NRP1: variants seen among roughly 807,000 people sequenced by gnomAD.
NRP1 encodes neuropilin-1.
Under a neutral mutation model 106.7 loss-of-function variants are expected in NRP1, and 35 were observed. That is an observed-to-expected ratio of 0.33 (90% confidence interval 0.25 to 0.43). NRP1 has a LOEUF of 0.43. NRP1 is among the 20% of genes least tolerant of loss of function. The pLI is 1.00. For missense variants in NRP1, 1,024 were observed against 1,170.4 expected, an observed-to-expected ratio of 0.87 and a Z score of 1.83; for synonymous variants, 437 against 417.9, an observed-to-expected ratio of 1.05 and a Z score of -0.56.
At chr10:33,294,253 T>C (rs1334618639) in intron 2 of NRP1, among the ~76,000 whole-genome samples, 1 of 152,194 alleles carries the variant, frequency 6.6e-6, no homozygotes, top group African/African-American at 2.4e-5. Flanking sequence ...TGACCTGGCA[T>C]TTAGCTTCCT....
intron 6 of NRP1, among the ~76,000 whole-genome samples, chr10:33,246,636 A>C (rs1328754512): frequency 6.6e-6 from 1 of 152,006 alleles, no homozygotes; most frequent in Non-Finnish European, 1.5e-5. Flanking sequence ...ATCCACATCC[A>C]TTTGAACAGC....
chr10:33,295,230 A>G (rs1845303234), intron 2 of NRP1, among the ~76,000 whole-genome samples: 1 of 152,200 alleles, frequency 6.6e-6, no homozygotes, highest in African/African-American at 2.4e-5. Context: ...TTGTTCAAAA[A>G]TAAAACAGTG....
At chr10:33,211,188 G>C (rs533981782) in intron 9 of NRP1, 1 of 152,186 alleles carries the variant, frequency 6.6e-6, no homozygotes. Flanking sequence ...GGTTGCAGAC[G>C]CATGAATTAT....
chr10:33,312,365 A>G (rs756625221), intron 2 of NRP1, among the ~76,000 whole-genome samples: 2 of 152,198 alleles, frequency 1.3e-5, no homozygotes, highest in Admixed American at 6.5e-5. Context: ...ATCATTATAC[A>G]TTTTGGGCAT....
intron 13 of NRP1, among the ~76,000 whole-genome samples, chr10:33,189,031 G>T (rs939075528): frequency 6.6e-6 from 1 of 150,918 alleles, no homozygotes; most frequent in African/African-American, 2.4e-5. Context: ...AAGAGGGAGC[G>T]CTGGCAGCCC....
chr10:33,220,817 C>T (rs1257119822), intron 8 of NRP1, among the ~76,000 whole-genome samples: 1 of 143,842 alleles, frequency 7.0e-6, no homozygotes, highest in Non-Finnish European at 1.5e-5. Flanking sequence ...AGGAGAATCG[C>T]TGGAACCTGG....
At chr10:33,309,199 C>A (rs1418496159) in intron 2 of NRP1, among the ~76,000 whole-genome samples, 1 of 152,208 alleles carries the variant, frequency 6.6e-6, no homozygotes, top group African/African-American at 2.4e-5. Context: ...TAAGCCATTT[C>A]TTTCTAAGAA....
At chr10:33,317,304 G>A (rs904290646) in intron 2 of NRP1, among the ~76,000 whole-genome samples, 3 of 152,202 alleles carry the variant, frequency 2.0e-5, no homozygotes, top group Non-Finnish European at 2.9e-5. Context: ...GCTCTTTCCT[G>A]CAAACATGCT....
At chr10:33,300,067 C>CTAGCATCT (rs1293221758) in intron 2 of NRP1, among the ~76,000 whole-genome samples, 1 of 152,198 alleles carries the variant, frequency 6.6e-6, no homozygotes, top group East Asian at 1.9e-4. Flanking sequence ...TTCACAATGT[C>CTAGCATCT]TAGCATCTTC....
chr10:33,248,775 T>C (rs956399490), intron 6 of NRP1, among the ~76,000 whole-genome samples: 2 of 152,216 alleles, frequency 1.3e-5, no homozygotes, highest in Non-Finnish European at 2.9e-5. Flanking sequence ...AGGTACAGAC[T>C]GTCTTCCTTT....
chr10:33,306,537 T>A (rs1171938466), intron 2 of NRP1, among the ~76,000 whole-genome samples: 4 of 152,208 alleles, frequency 2.6e-5, no homozygotes, highest in African/African-American at 9.7e-5. Context: ...GTAAAACATA[T>A]CTTATCCCTG....
intron 10 of NRP1, chr10:33,206,297 T>G: frequency 1.9e-6 from 1 of 519,054 alleles, no homozygotes. Flanking sequence ...TTCTTTTTCT[T>G]GGCATCCTTT....
chr10:33,251,063 T>G (rs1352983128), intron 6 of NRP1, among the ~76,000 whole-genome samples: 1 of 152,216 alleles, frequency 6.6e-6, no homozygotes, highest in Non-Finnish European at 1.5e-5. Context: ...CATCTTGATT[T>G]GTAATCCCCA....
At chr10:33,185,385 T>G (rs887158885) in intron 15 of NRP1, among the ~76,000 whole-genome samples, 2 of 152,218 alleles carry the variant, frequency 1.3e-5, no homozygotes, top group African/African-American at 4.8e-5. Context: ...GATTCTGCAT[T>G]ATTTGTGGAG....
chr10:33,316,913 G>A (rs1283797733), intron 2 of NRP1, among the ~76,000 whole-genome samples: 1 of 152,212 alleles, frequency 6.6e-6, no homozygotes, highest in Non-Finnish European at 1.5e-5. Flanking sequence ...AGAAAGTGGA[G>A]TTCTGAACTG....
At chr10:33,207,343 T>C (rs1564381204) in intron 10 of NRP1, among the ~76,000 whole-genome samples, 2 of 151,440 alleles carry the variant, frequency 1.3e-5, no homozygotes, top group East Asian at 3.9e-4. Context: ...GACAATCTCA[T>C]ATAATCCGAG....
chr10:33,222,481 C>T (rs1168067603), intron 7 of NRP1, among the ~76,000 whole-genome samples: 1 of 151,468 alleles, frequency 6.6e-6, no homozygotes, highest in Non-Finnish European at 1.5e-5. Context: ...TCAGTTTTTC[C>T]AGGGCTTGTG....
intron 2 of NRP1, among the ~76,000 whole-genome samples, chr10:33,292,985 C>CA (rs141085175): frequency 0.43 from 58,808 of 137,148 alleles, 13,654 homozygotes; most frequent in South Asian, 0.56. Flanking sequence ...GACTCCATCT[C>CA]AAAAAAAAAA....
intron 9 of NRP1, 124 bp from the exon 10 acceptor site, chr10:33,207,840 T>C (rs1284259178): frequency 4.5e-6 from 4 of 883,910 alleles, no homozygotes; most frequent in Non-Finnish European, 6.9e-6. Context: ...TTCTACCACT[T>C]TGTGGTACAT....
Sources: allele counts gnomAD v4.1 joint callset (sites outside exome capture counted in the v4.1 genomes callset), GRCh38; gene constraint gnomAD v4.1.1; transcripts MANE v1.5; gene names NCBI Gene and HGNC (gene_info 2026-07-23, HGNC 2026-07-21).